MAGI1: variants seen among roughly 807,000 people sequenced by gnomAD.
MAGI1 encodes membrane associated guanylate kinase, WW and PDZ domain containing 1.
In MAGI1, 58 loss-of-function variants were observed where a neutral mutation model predicts 139.9. That is an observed-to-expected ratio of 0.41 (90% CI 0.34 to 0.52). The LOEUF (loss-of-function observed/expected upper bound fraction) is 0.52, where lower values mean the gene tolerates loss of function less well. MAGI1 is among the 20% of genes least tolerant of loss of function. The probability of loss-of-function intolerance (pLI) is 0.12; values close to 1 mark genes in which losing one functional copy is unlikely to be tolerated. For missense variants in MAGI1, 1,874 were observed against 1,901.6 expected, an observed-to-expected ratio of 0.99 and a Z score of 0.27; for synonymous variants, 812 against 737.9, an observed-to-expected ratio of 1.10 and a Z score of -1.63.
intron 1 of MAGI1, among the ~76,000 whole-genome samples, chr3:65,648,927 G>A (rs1044911325): frequency 2.0e-5 from 3 of 152,208 alleles, no homozygotes; most frequent in Admixed American, 2.0e-4. Flanking sequence ...GATTTTTCAT[G>A]AAGATACAAA....
intron 1 of MAGI1, among the ~76,000 whole-genome samples, chr3:65,931,872 G>A (rs961657412): frequency 1.3e-5 from 2 of 152,104 alleles, no homozygotes; most frequent in Non-Finnish European, 2.9e-5. Context: ...ACTGTGACTA[G>A]AGAAGGGTAA....
intron 1 of MAGI1, among the ~76,000 whole-genome samples, chr3:66,006,086 T>C (rs1174793137): frequency 6.6e-6 from 1 of 152,192 alleles, no homozygotes; most frequent in Non-Finnish European, 1.5e-5. Context: ...TCACTGAAAT[T>C]TGTGACTTTA....
intron 6 of MAGI1, among the ~76,000 whole-genome samples, chr3:65,450,689 A>G (rs1446059381): frequency 6.6e-6 from 1 of 152,208 alleles, no homozygotes; most frequent in East Asian, 1.9e-4. Flanking sequence ...AACTGGACAC[A>G]GCAGTGACAG....
At chr3:65,916,575 G>GA (rs1239520159) in intron 1 of MAGI1, among the ~76,000 whole-genome samples, 1 of 151,984 alleles carries the variant, frequency 6.6e-6, no homozygotes, top group Non-Finnish European at 1.5e-5. Context: ...AACAGAATGG[G>GA]AAAAACCACT....
At chr3:65,379,132 T>C (rs919668145) in intron 17 of MAGI1, 129 bp downstream of exon 17, 48 of 1,542,746 alleles carry the variant, frequency 3.1e-5, no homozygotes, top group Non-Finnish European at 4.0e-5. Flanking sequence ...AATTAAGTCT[T>C]TAATTACCCA....
intron 1 of MAGI1, among the ~76,000 whole-genome samples, chr3:65,845,718 G>T (rs1553716467): frequency 1.3e-5 from 2 of 152,156 alleles, no homozygotes; most frequent in Admixed American, 6.5e-5. Context: ...CTCCCATGTG[G>T]CAGCTCTTAG....
At chr3:65,658,759 C>T (rs569602684) in intron 1 of MAGI1, among the ~76,000 whole-genome samples, 1 of 152,336 alleles carries the variant, frequency 6.6e-6, no homozygotes, top group Non-Finnish European at 1.5e-5. Flanking sequence ...CACAAGCCAT[C>T]TTCTGCCCTC....
At chr3:65,985,312 T>G (rs910951243) in intron 1 of MAGI1, among the ~76,000 whole-genome samples, 5 of 152,208 alleles carry the variant, frequency 3.3e-5, no homozygotes, top group Non-Finnish European at 7.3e-5. Flanking sequence ...GTTCATGAAT[T>G]TAATCTCTTA....
chr3:65,444,100 C>A (rs1213773439), intron 7 of MAGI1, among the ~76,000 whole-genome samples: 1 of 152,172 alleles, frequency 6.6e-6, no homozygotes, highest in African/African-American at 2.4e-5. Context: ...TGTTTGCAAA[C>A]AAAGAGACAG....
intron 2 of MAGI1, among the ~76,000 whole-genome samples, chr3:65,542,019 A>G (rs1390220655): frequency 6.6e-6 from 1 of 152,080 alleles, no homozygotes; most frequent in Non-Finnish European, 1.5e-5. Context: ...TATTTAGAAA[A>G]CCCCATCCTC....
intron 1 of MAGI1, among the ~76,000 whole-genome samples, chr3:65,838,261 G>A (rs528799509): frequency 1.2e-3 from 186 of 152,182 alleles, no homozygotes; most frequent in African/African-American, 4.4e-3. Context: ...GCAGTGAGCC[G>A]AGATCCCGCC....
At chr3:65,633,312 G>C (rs1364904597) in intron 1 of MAGI1, among the ~76,000 whole-genome samples, 1 of 152,144 alleles carries the variant, frequency 6.6e-6, no homozygotes, top group Non-Finnish European at 1.5e-5. Context: ...TATTCCCCGA[G>C]TGGTACAAAG....
At chr3:65,474,360 C>G (rs1950734419) in intron 4 of MAGI1, among the ~76,000 whole-genome samples, 1 of 152,118 alleles carries the variant, frequency 6.6e-6, no homozygotes, top group Non-Finnish European at 1.5e-5. Context: ...CCAAAGAGGA[C>G]AGGTAGAATG....
intron 1 of MAGI1, among the ~76,000 whole-genome samples, chr3:65,678,360 T>TAAA (rs5849685): frequency 6.6e-6 from 1 of 150,616 alleles, no homozygotes; most frequent in African/African-American, 2.4e-5. Flanking sequence ...AATAAAAAGG[T>TAAA]AAAAAAAAAA....
At chr3:66,035,086 G>T (rs2068844186) in intron 1 of MAGI1, among the ~76,000 whole-genome samples, 1 of 152,136 alleles carries the variant, frequency 6.6e-6, no homozygotes, top group African/African-American at 2.4e-5. Context: ...ATATAACTTT[G>T]TAAAGGCATT....
At chr3:65,761,122 G>A (rs756991802) in intron 1 of MAGI1, among the ~76,000 whole-genome samples, 6 of 152,192 alleles carry the variant, frequency 3.9e-5, no homozygotes, top group Non-Finnish European at 7.3e-5. Context: ...AACAACTTAT[G>A]TGATCTGGAA....
intron 1 of MAGI1, among the ~76,000 whole-genome samples, chr3:65,948,104 G>A (rs1009710615): frequency 1.3e-5 from 2 of 151,658 alleles, no homozygotes; most frequent in Admixed American, 1.3e-4. Context: ...ACCACACCAG[G>A]CTAATTTTTT....
In MAGI1 at chr3:65,354,258, A is replaced by G. The variant is rs1296501028; in HGVS notation, c.*2120T>C. The G allele has an allele frequency of 6.6e-6, 1 of 152,614 alleles. No individual in the cohort carries two copies. The highest frequency in any genetic ancestry group is 6.5e-5 in the Admixed American group (1 of 15,270). 9.5% of individuals were successfully genotyped at this position (152,614 alleles called of 1,614,324 possible). On this transcript the variant is annotated 3_prime_UTR_variant, in exon 23 of 23. Coordinates refer to ENST00000402939, the MANE Select transcript of MAGI1 (RefSeq NM_001033057.2). Reference sequence around the variant, plus strand: ...CAGCTCAATGTATGCTTTGTATGGAAAACTTTAATAATAAAAATAGCATTC... The same window carrying G: ...CAGCTCAATGTATGCTTTGTATGGAGAACTTTAATAATAAAAATAGCATTC...
chr3:65,449,327 C>T (rs115858424), intron 6 of MAGI1, among the ~76,000 whole-genome samples: 2,165 of 152,288 alleles, frequency 0.014, 25 homozygotes, highest in Admixed American at 0.023. Context: ...GGCACCGTTT[C>T]TTAAAAGGAG....
Sources: gnomAD v4.1 joint callset for allele counts (sites outside exome capture counted in the v4.1 genomes callset) on GRCh38, gnomAD v4.1.1 for gene constraint, MANE v1.5 for transcripts, NCBI Gene and HGNC (gene_info 2026-07-23, HGNC 2026-07-21) for gene names.